Variants in CCDC171 observed in about 807,000 individuals in gnomAD.
The protein encoded by CCDC171 is coiled-coil domain containing 171.
CCDC171 carries 177 observed loss-of-function variants against 168.2 expected under a neutral mutation model. The ratio of observed to expected loss-of-function variants is 1.05; its 90% CI spans 0.93 to 1.19. The LOEUF (loss-of-function observed/expected upper bound fraction) is 1.19. Ranked by LOEUF, CCDC171 falls within the 50% of genes most tolerant of loss-of-function variation. The pLI, the probability that CCDC171 is intolerant of heterozygous loss-of-function variation, is 0.00. For synonymous variants in CCDC171, 687 were observed against 540.8 expected, an observed-to-expected ratio of 1.27 and a Z score of -3.75; for missense variants, 1,991 against 1,539.0, an observed-to-expected ratio of 1.29 and a Z score of -4.91.
At chr9:15,584,532 C>T (rs965297665) in intron 4 of CCDC171, among the ~76,000 whole-genome samples, 1 of 152,130 alleles carries the variant, frequency 6.6e-6, no homozygotes, top group African/African-American at 2.4e-5. Context: ...CCCAGCAAGC[C>T]TGTTTGTTCA....
chr9:16,104,282 C>A, the CCDC171 span, among the ~76,000 whole-genome samples: 1 of 152,032 alleles, frequency 6.6e-6, no homozygotes, highest in African/African-American at 2.4e-5. Flanking sequence ...GCTGCCTCCC[C>A]CTCCCCACGG....
chr9:15,900,539 T>TG (rs2131623187), intron 24 of CCDC171, among the ~76,000 whole-genome samples: 1 of 152,188 alleles, frequency 6.6e-6, no homozygotes, highest in Non-Finnish European at 1.5e-5. Flanking sequence ...CACTAACCTA[T>TG]GCTGGACTCC....
chr9:15,890,400 G>A (rs941994923), intron 24 of CCDC171, among the ~76,000 whole-genome samples: 11 of 152,102 alleles, frequency 7.2e-5, no homozygotes, highest in African/African-American at 2.4e-4. Flanking sequence ...CCTATAAAAT[G>A]CTATTGTCAG....
In CCDC171 at chr9:15,784,672, A is replaced by T. The variant is rs765267882; in HGVS notation, c.3245A>T (p.Gln1082Leu). Residue 1082 changes from glutamine (Q) to leucine (L), a missense_variant, in exon 21 of 26, where the codon CAA becomes CTA. By Grantham distance (113) the Gln-to-Leu change is moderately radical (BLOSUM62 -2). Coordinates refer to ENST00000380701, the MANE Select transcript of CCDC171 (RefSeq NM_173550.4). Reference sequence around the variant, plus strand: ...TCCAGTGAGGAAGCTGACAAAAACCAAACTCTTGGAGAAGCTGTTAAGGTA... The same window carrying T: ...TCCAGTGAGGAAGCTGACAAAAACCTAACTCTTGGAGAAGCTGTTAAGGTA... The part of the protein sequence containing the change: ...LHSSEEADKN[Q>L]TLGEAVKSLS... 6.2e-7 allele frequency: 1 copy of T among 1,612,638 alleles called. No individual in the cohort carries two copies. Among genetic ancestry groups the T allele is most frequent in the Non-Finnish European group, 8.5e-7 (1 of 1,179,170 alleles).
At chr9:15,877,138 T>A (rs771097675) in intron 24 of CCDC171, among the ~76,000 whole-genome samples, 1 of 151,972 alleles carries the variant, frequency 6.6e-6, no homozygotes, top group African/African-American at 2.4e-5. Flanking sequence ...GTTCAACTTG[T>A]TTCTGAGATC....
chr9:15,822,196 C>A (rs199811053), intron 21 of CCDC171, among the ~76,000 whole-genome samples: 2 of 151,970 alleles, frequency 1.3e-5, no homozygotes, highest in Admixed American at 6.6e-5. Context: ...GATGGATTAA[C>A]GACTTAAATG....
intron 25 of CCDC171, among the ~76,000 whole-genome samples, chr9:15,941,379 T>G (rs1403002423): frequency 6.6e-6 from 1 of 151,962 alleles, no homozygotes; most frequent in Non-Finnish European, 1.5e-5. Flanking sequence ...TCTTAACCAT[T>G]TTCAGTTTAA....
At chr9:16,071,203 G>A in the CCDC171 span, among the ~76,000 whole-genome samples, 1 of 152,196 alleles carries the variant, frequency 6.6e-6, no homozygotes, top group African/African-American at 2.4e-5. Flanking sequence ...CACAGCTGAG[G>A]TCAGGATCTA....
In CCDC171 at chr9:15,938,375, C is replaced by A. The variant is rs1827334483; in HGVS notation, c.3753+17953C>A. On this transcript the variant is annotated intron_variant, in intron 25 of 25. Coordinates refer to ENST00000380701, the MANE Select transcript of CCDC171 (RefSeq NM_173550.4). ...GAGTGTGCCTTACTCTGTGCATACA[C>A]TATTAATAGAGAAGAGCATTTAAGC... 3.3e-5 allele frequency among the ~76,000 whole-genome samples: 5 copies of A among 151,810 alleles called. No homozygotes were observed. The South Asian group carries it at 1.0e-3, about 32-fold the overall frequency.
intron 2 of CCDC171, among the ~76,000 whole-genome samples, chr9:15,566,330 G>A (rs1187408794): frequency 6.6e-6 from 1 of 152,062 alleles, no homozygotes; most frequent in African/African-American, 2.4e-5. Context: ...GGCTGAGGTG[G>A]GTGGATTGCT....
At chr9:16,045,208 G>A (rs1237376291) in intron 1 of CCDC171, among the ~76,000 whole-genome samples, 1 of 152,152 alleles carries the variant, frequency 6.6e-6, no homozygotes, top group Non-Finnish European at 1.5e-5. Context: ...GAGTGCAGTG[G>A]CGCAATGGGG....
intron 3 of CCDC171, among the ~76,000 whole-genome samples, chr9:15,980,636 A>T (rs570591301): frequency 1.3e-5 from 2 of 152,242 alleles, no homozygotes; most frequent in South Asian, 2.1e-4. Context: ...CTTTCAAGCT[A>T]TAGAAGAAGG....
intron 9 of CCDC171, among the ~76,000 whole-genome samples, chr9:15,667,436 A>G (rs2048812423): frequency 6.6e-6 from 1 of 152,114 alleles, no homozygotes; most frequent in African/African-American, 2.4e-5. Context: ...ACCTGAGTTC[A>G]GGAGTTCGAG....
At chr9:15,947,191 T>G (rs73411548) in intron 25 of CCDC171, among the ~76,000 whole-genome samples, 2,826 of 152,104 alleles carry the variant, frequency 0.019, 106 homozygotes, top group African/African-American at 0.065. Context: ...TATTAGAAAA[T>G]TATAGTTGCA....
chr9:15,712,358 T>C lies in CCDC171; in HGVS notation c.1319-9411T>C, dbSNP rs371063231. Among the ~76,000 whole-genome samples, 17 of 152,312 alleles carry C rather than the reference T, an allele frequency of 1.1e-4. No homozygotes were observed. The East Asian group carries it at 2.3e-3, about 21-fold the overall frequency. ...CCCTGGTAACCTCCATTCTACTTTC[T>C]TTTCTATGAATTTGACCACTTTAGA... On this transcript the variant is annotated intron_variant, in intron 11 of 25. Coordinates refer to ENST00000380701, the MANE Select transcript of CCDC171 (RefSeq NM_173550.4).
intron 25 of CCDC171, among the ~76,000 whole-genome samples, chr9:15,960,415 G>C (rs1830227686): frequency 6.6e-6 from 1 of 152,096 alleles, no homozygotes; most frequent in African/African-American, 2.4e-5. Context: ...TACTAAGAGG[G>C]GATATGGGTT....
chr9:15,936,556 G>T (rs1827143404), intron 25 of CCDC171, among the ~76,000 whole-genome samples: 1 of 151,940 alleles, frequency 6.6e-6, no homozygotes, highest in South Asian at 2.1e-4. Context: ...TGCAAGGCTG[G>T]TCAAGGCATG....
intron 21 of CCDC171, among the ~76,000 whole-genome samples, chr9:15,814,688 A>C (rs1237764364): frequency 1.3e-5 from 2 of 152,030 alleles, no homozygotes; most frequent in Non-Finnish European, 2.9e-5. Context: ...TATTATATAT[A>C]GAAAATTTAA....
chr9:15,852,810 C>T (rs537861748), intron 23 of CCDC171, among the ~76,000 whole-genome samples: 1 of 151,504 alleles, frequency 6.6e-6, no homozygotes, highest in African/African-American at 2.4e-5. Flanking sequence ...CCAATTATTC[C>T]AGCACCATTT....
Sources: allele counts gnomAD v4.1 joint callset (sites outside exome capture counted in the v4.1 genomes callset), GRCh38; gene constraint gnomAD v4.1.1; transcripts MANE v1.5; gene names NCBI Gene and HGNC (gene_info 2026-07-23, HGNC 2026-07-21).